The following DLG3 variants were observed in gnomAD, a reference collection of about 807,000 sequenced individuals.
The protein encoded by DLG3 is disks large homolog 3.
DLG3 carries 1 observed loss-of-function variant against 64.1 expected under a neutral mutation model. That is an observed-to-expected ratio of 0.02 (90% CI 0.01 to 0.07). The LOEUF (loss-of-function observed/expected upper bound fraction) is 0.07, where lower values mean the gene tolerates loss of function less well. Ranked by LOEUF, DLG3 falls within the 10% of genes least tolerant of loss-of-function variation. The pLI is 1.00. For missense variants in DLG3, 429 were observed against 669.5 expected (o/e 0.64, Z 3.96); for synonymous variants, 245 against 259.8 (o/e 0.94, Z 0.55).
Position 70,449,830 on chromosome X carries a change from T to A in DLG3, c.674T>A (p.Met225Lys). 1 of 1,192,701 alleles carries A rather than the reference T, an allele frequency of 8.4e-7. No individual in the cohort carries two copies. Among genetic ancestry groups the A allele is most frequent in the Non-Finnish European group, 1.1e-6 (1 of 886,319 alleles). ...CGACAGCCTCCACCCGAGACCATCA[T>A]GGAGGTCAACCTGCTCAAAGGGCCC... ...RRRQPPPETI[M>K]EVNLLKGPKG... The change falls in exon 4 of 19, where the codon ATG becomes AAG. Residue 225 changes from methionine to lysine, a missense_variant. This residue lies in a region of DLG3 where 73 missense variants were observed against 158.5 expected (regional missense o/e 0.46). Transcript: ENST00000374360.
At chrX:70,457,575 T>G (rs767879440) in intron 9 of DLG3, among the ~76,000 whole-genome samples, 32 of 91,556 alleles carry the variant, frequency 3.5e-4, no homozygotes, top group African/African-American at 1.2e-3. Flanking sequence ...GTTTTAGGAC[T>G]TTTTTTTTTT....
chrX:70,495,292 T>C, intron 12 of DLG3, 116 bp from the exon 13 acceptor site: 1 of 682,901 alleles, frequency 1.5e-6, no homozygotes, highest in Non-Finnish European at 2.4e-6. Context: ...TGTCTTTTTC[T>C]CTATTTTTTC....
At chrX:70,445,623 G>T in intron 1 of DLG3, 65 bp downstream of exon 1, 1 of 1,038,552 alleles carries the variant, frequency 9.6e-7, no homozygotes, top group Non-Finnish European at 1.3e-6. Context: ...GGGGCCTAGA[G>T]GCCTGGGATG....
At position 70,505,322 on chromosome X, in the gene DLG3, T is replaced by C. The variant is rs1339059287; in HGVS notation, c.*3053T>C. 8.9e-6 allele frequency: 1 copy of C among 112,021 alleles called. No homozygotes were observed. Among genetic ancestry groups the C allele is most frequent in the Non-Finnish European group, 1.9e-5 (1 of 53,214 alleles). The allele number at this position is 112,021 out of a possible 1,213,427, so 9.2% of individuals were successfully genotyped here. On this transcript the variant is annotated 3_prime_UTR_variant, in exon 19 of 19. Transcript: ENST00000374360. The stretch of plus-strand genomic sequence containing the variant: ...AGACACACCCTTAACACTGCCGTGC[T>C]GTGCTGTGCCGTGTCCTGAAGGAGG...
At chrX:70,455,018 T>A in intron 9 of DLG3, 7 of 754,147 alleles carry the variant, frequency 9.3e-6, no homozygotes, top group Non-Finnish European at 1.1e-5. Flanking sequence ...GAGTGGCCAT[T>A]GGCCGGCTGA....
At chrX:70,497,766 G>C (rs1001823443) in intron 13 of DLG3, among the ~76,000 whole-genome samples, 1 of 112,259 alleles carries the variant, frequency 8.9e-6, no homozygotes, top group Non-Finnish European at 1.9e-5. Flanking sequence ...TAGAAGCCTT[G>C]TAAAATCTGC....
At chrX:70,446,014 G>A (rs1217861926) in intron 1 of DLG3, among the ~76,000 whole-genome samples, 1 of 110,141 alleles carries the variant, frequency 9.1e-6, no homozygotes, top group Non-Finnish European at 1.9e-5. Context: ...TGGAGCTGCC[G>A]TGAATCCGTG....
intron 8 of DLG3, 36 bp from the exon 9 acceptor site, chrX:70,454,178 C>A (rs368606425): frequency 7.4e-4 from 871 of 1,175,057 alleles, no homozygotes; most frequent in South Asian, 9.2e-4. Context: ...CTCTTTCTTG[C>A]TTTTGGGGTG....
intron 9 of DLG3, among the ~76,000 whole-genome samples, chrX:70,473,833 A>G (rs1350470845): frequency 8.9e-6 from 1 of 111,875 alleles, no homozygotes; most frequent in Non-Finnish European, 1.9e-5. Context: ...GTTTCAAGCA[A>G]TACTTCTACC....
chrX:70,491,864 T>C (rs2087365168), intron 10 of DLG3, among the ~76,000 whole-genome samples: 2 of 111,974 alleles, frequency 1.8e-5, no homozygotes, highest in African/African-American at 6.5e-5. Context: ...CAAGAGGAGA[T>C]GGGGTTTGTA....
Position 70,479,186 on chromosome X carries a change from G to A in DLG3, c.1442G>A (p.Arg481Gln). 1.7e-6 allele frequency: 2 copies of A among 1,210,939 alleles called. No individual in the cohort carries two copies. The highest frequency in any genetic ancestry group is 2.2e-6 in the Non-Finnish European group (2 of 894,889). The change falls in exon 10 of 19, where the codon CGA becomes CAA. Residue 481 changes from arginine (R) to glutamine (Q), a missense_variant. Arg to Gln is a conservative substitution (Grantham distance 43, BLOSUM62 1). Around this residue, in one of 9 missense-constraint regions of DLG3, gnomAD observed 46 missense variants for 52.3 expected, o/e 0.88. Transcript: ENST00000374360. The part of the protein sequence containing the change: ...SRFESKIHDL[R>Q]EQMMNSSMSS... Reference sequence around the variant, plus strand: ...TTTGAATCGAAGATACATGACTTACGAGAACAAATGATGAACAGCAGCATG... The same window carrying A: ...TTTGAATCGAAGATACATGACTTACAAGAACAAATGATGAACAGCAGCATG...
rs757999224 is a variant in DLG3, at chrX:70,450,350, GA to G, written c.840+46del. 1.1e-5 allele frequency: 13 copies of G among 1,159,894 alleles called. No individual in the cohort carries two copies. In the South Asian group the frequency reaches 2.1e-4, roughly 19 times the overall value. On this transcript the variant is annotated intron_variant, in intron 5 of 18. Transcript: ENST00000374360. ...GATGCCCAAATGGTAGGGTAGGGAGGAGGAGCTCCAGTACCCCTTACTCCGC... is the reference window on the plus strand; with the variant it reads ...GATGCCCAAATGGTAGGGTAGGGAGGGGAGCTCCAGTACCCCTTACTCCGC...
At chrX:70,452,503 A>G in intron 7 of DLG3, 1 of 1,121,602 alleles carries the variant, frequency 8.9e-7, no homozygotes, top group Non-Finnish European at 1.2e-6. Flanking sequence ...CGGGGCCTGG[A>G]ACTGGTCGGG....
At chrX:70,491,393 A>G (rs993159100) in intron 10 of DLG3, among the ~76,000 whole-genome samples, 1 of 111,855 alleles carries the variant, frequency 8.9e-6, no homozygotes, top group Non-Finnish European at 1.9e-5. Flanking sequence ...CTCCCTCCCC[A>G]CCTTCTCCCA....
At position 70,450,162 on chromosome X, in the gene DLG3, C is replaced by T. The variant is rs750859809; in HGVS notation, c.704-7C>T. ...CCCTCTCCCACCTCCTGCTGGCTCC[C>T]GCTCAGGCCTGGGTTTCAGCATTGC... On this transcript the variant is annotated splice_polypyrimidine_tract_variant and splice_region_variant and intron_variant, in intron 4 of 18. Transcript: ENST00000374360. 22 of 1,209,053 alleles carry T rather than the reference C, an allele frequency of 1.8e-5. No homozygotes were observed. Among genetic ancestry groups the T allele is most frequent in the Admixed American group, 4.4e-5 (2 of 45,800 alleles).
chrX:70,490,958 G>C (rs979257610), intron 10 of DLG3, among the ~76,000 whole-genome samples: 2 of 109,368 alleles, frequency 1.8e-5, no homozygotes, highest in Admixed American at 1.9e-4. Context: ...TGTCGCTTAG[G>C]CTGGGGTGCA....
At chrX:70,483,265 C>G (rs2087197985) in intron 10 of DLG3, among the ~76,000 whole-genome samples, 1 of 112,317 alleles carries the variant, frequency 8.9e-6, no homozygotes, top group Admixed American at 9.4e-5. Context: ...TCCTGGGTAA[C>G]AGAGCAAGAC....
At chrX:70,466,593 C>A (rs1485331683) in intron 9 of DLG3, among the ~76,000 whole-genome samples, 1 of 109,253 alleles carries the variant, frequency 9.2e-6, no homozygotes. Flanking sequence ...TGTGCGCCAC[C>A]ACACTCGGCT....
At chrX:70,470,354 C>A (rs1311067046) in intron 9 of DLG3, among the ~76,000 whole-genome samples, 4 of 110,704 alleles carry the variant, frequency 3.6e-5, no homozygotes, top group African/African-American at 1.3e-4. Context: ...CCTCAGCCTC[C>A]TGAGTAGCAG....
Sources: allele counts gnomAD v4.1 joint callset (sites outside exome capture counted in the v4.1 genomes callset), GRCh38; gene constraint gnomAD v4.1.1; regional missense constraint gnomAD v4.1.1; transcripts MANE v1.5; gene names NCBI Gene and HGNC (gene_info 2026-07-23, HGNC 2026-07-21).